LOC128706666: variants seen among roughly 807,000 people sequenced by gnomAD.
At chr20:10,421,618 T>C in the LOC128706666 span, among the ~76,000 whole-genome samples, 2 of 152,102 alleles carry the variant, frequency 1.3e-5, no homozygotes, top group Non-Finnish European at 2.9e-5. Flanking sequence ...TCAGAATGAA[T>C]GTAATGCCAT....
the LOC128706666 span, among the ~76,000 whole-genome samples, chr20:10,426,913 T>C: frequency 1.3e-5 from 2 of 152,122 alleles, no homozygotes; most frequent in African/African-American, 4.8e-5. Context: ...TAGTTCTCAG[T>C]ATAGAATGAC....
the LOC128706666 span, among the ~76,000 whole-genome samples, chr20:10,433,739 C>T: frequency 6.6e-6 from 1 of 152,110 alleles, no homozygotes; most frequent in Non-Finnish European, 1.5e-5. Context: ...ACCCTCCAGA[C>T]AGTCAGGGGC....
At chr20:10,428,500 C>G in the LOC128706666 span, among the ~76,000 whole-genome samples, 1 of 152,162 alleles carries the variant, frequency 6.6e-6, no homozygotes, top group Non-Finnish European at 1.5e-5. Flanking sequence ...TAGGTATGAA[C>G]ACCTCTAACT....
chr20:10,421,251 G>GA, the LOC128706666 span, among the ~76,000 whole-genome samples: 1 of 151,684 alleles, frequency 6.6e-6, no homozygotes, highest in Non-Finnish European at 1.5e-5. Flanking sequence ...CCAACACAGT[G>GA]AAACATCGTT....
the LOC128706666 span, among the ~76,000 whole-genome samples, chr20:10,428,589 A>G: frequency 3.3e-5 from 5 of 152,196 alleles, no homozygotes; most frequent in Admixed American, 3.3e-4. Context: ...CTCTAATTCC[A>G]GCACTCGGGG....
the LOC128706666 span, among the ~76,000 whole-genome samples, chr20:10,428,040 G>C: frequency 6.6e-6 from 1 of 152,222 alleles, no homozygotes; most frequent in Non-Finnish European, 1.5e-5. Context: ...TAATGTATTT[G>C]TAAATAAAAA....
the LOC128706666 span, among the ~76,000 whole-genome samples, chr20:10,414,128 A>G: frequency 6.6e-6 from 1 of 152,204 alleles, no homozygotes; most frequent in African/African-American, 2.4e-5. Context: ...CCCCTCTACA[A>G]GAAAAAGTGC....
chr20:10,426,769 T>TA, the LOC128706666 span, among the ~76,000 whole-genome samples: 3 of 152,146 alleles, frequency 2.0e-5, no homozygotes, highest in African/African-American at 7.2e-5. Flanking sequence ...TGTCCAAAAT[T>TA]AGAGGGCATC....
At chr20:10,432,344 T>C in the LOC128706666 span, among the ~76,000 whole-genome samples, 1 of 152,134 alleles carries the variant, frequency 6.6e-6, no homozygotes, top group Non-Finnish European at 1.5e-5. Flanking sequence ...TGCCTCTAAA[T>C]CTCCTCAGAG....
At chr20:10,424,678 C>T in the LOC128706666 span, among the ~76,000 whole-genome samples, 3 of 152,124 alleles carry the variant, frequency 2.0e-5, no homozygotes, top group African/African-American at 7.2e-5. Context: ...AGAGCTTTTA[C>T]TTACAATCAA....
chr20:10,421,132 A>T, the LOC128706666 span, among the ~76,000 whole-genome samples: 1 of 152,144 alleles, frequency 6.6e-6, no homozygotes, highest in African/African-American at 2.4e-5. Context: ...TATATTTTTT[A>T]AAAATTATAA....
At chr20:10,430,483 C>T in the LOC128706666 span, among the ~76,000 whole-genome samples, 4 of 152,102 alleles carry the variant, frequency 2.6e-5, no homozygotes, top group Admixed American at 2.6e-4. Flanking sequence ...AGAAAAAAAA[C>T]ATTACTGGAA....
At chr20:10,414,259 C>T in the LOC128706666 span, among the ~76,000 whole-genome samples, 1 of 145,070 alleles carries the variant, frequency 6.9e-6, no homozygotes, top group African/African-American at 2.6e-5. Flanking sequence ...AATTAGGTCT[C>T]TGAGTCTTTT....
the LOC128706666 span, among the ~76,000 whole-genome samples, chr20:10,414,282 T>TTTTTG: frequency 6.6e-6 from 1 of 150,942 alleles, no homozygotes; most frequent in African/African-American, 2.4e-5. Context: ...TTTTTTTTTT[T>TTTTTG]GAGATGGAGT....
the LOC128706666 span, among the ~76,000 whole-genome samples, chr20:10,417,245 TAA>T: frequency 0.15 from 19,928 of 132,492 alleles, 1,539 homozygotes; most frequent in East Asian, 0.25. Context: ...GACTCCATCT[TAA>T]AAAAAAAAAA....
the LOC128706666 span, among the ~76,000 whole-genome samples, chr20:10,414,977 A>T: frequency 6.6e-6 from 1 of 152,232 alleles, no homozygotes; most frequent in Non-Finnish European, 1.5e-5. Flanking sequence ...GGATAACAAC[A>T]ACAATAAAAA....
the LOC128706666 span, among the ~76,000 whole-genome samples, chr20:10,430,482 A>G: frequency 1.3e-5 from 2 of 152,234 alleles, no homozygotes; most frequent in Non-Finnish European, 2.9e-5. Context: ...AAGAAAAAAA[A>G]CATTACTGGA....
the LOC128706666 span, among the ~76,000 whole-genome samples, chr20:10,424,970 T>C: frequency 2.6e-5 from 4 of 151,784 alleles, no homozygotes; most frequent in Non-Finnish European, 4.4e-5. Context: ...GAAGAATCAC[T>C]TGAACCTGGG....
chr20:10,419,268 A>G, the LOC128706666 span, among the ~76,000 whole-genome samples: 1 of 152,310 alleles, frequency 6.6e-6, no homozygotes, highest in East Asian at 1.9e-4. Flanking sequence ...TTACAGGGTC[A>G]CAGTTCTTTA....
Sources: gnomAD v4.1 joint callset for allele counts (sites outside exome capture counted in the v4.1 genomes callset) on GRCh38, gnomAD v4.1.1 for gene constraint, MANE v1.5 for transcripts.